The following NDUFA13 variants were observed in gnomAD, a reference collection of about 807,000 sequenced individuals.
The protein encoded by NDUFA13 is NADH dehydrogenase [ubiquinone] 1 alpha subcomplex subunit 13.
Under a neutral mutation model 17.0 loss-of-function variants are expected in NDUFA13, and 16 were observed. The ratio of observed to expected loss-of-function variants is 0.94; its 90% CI spans 0.64 to 1.43. The LOEUF is 1.43. NDUFA13 is among the 40% of genes most tolerant of loss of function. The pLI, the probability that NDUFA13 is intolerant of heterozygous loss-of-function variation, is 0.00. For synonymous variants in NDUFA13, 87 were observed against 78.4 expected (o/e 1.11, Z -0.58); for missense variants, 228 against 206.7 (o/e 1.10, Z -0.63).
intron 3 of NDUFA13, 110 bp downstream of exon 3, chr19:19,527,462 C>A: frequency 7.5e-7 from 1 of 1,341,400 alleles, no homozygotes; most frequent in Non-Finnish European, 1.1e-6. Flanking sequence ...GGCCATCGCC[C>A]TGTGCCGTCA....
At chr19:19,520,406 G>C (rs2034326268) in intron 1 of NDUFA13, among the ~76,000 whole-genome samples, 1 of 152,190 alleles carries the variant, frequency 6.6e-6, no homozygotes, top group Non-Finnish European at 1.5e-5. Flanking sequence ...AAAGCGGATG[G>C]ATCACCTGAG....
chr19:19,516,296 G>C lies in NDUFA13; in HGVS notation c.58G>C (p.Asp20His). ...TCCGCCGGGGGGCTATGGGCCCATC[G>C]ACTACAAACGGAACTTGCCGCGTCG... ...MPPPGGYGPI[D>H]YKRNLPRRGL... The change falls in exon 1 of 5, where the codon GAC (aspartate) becomes CAC (histidine). Residue 20 changes from aspartate (D) to histidine (H), a missense_variant. By Grantham distance (81) the Asp-to-His change is moderately conservative. Coordinates refer to ENST00000507754, the MANE Select transcript of NDUFA13 (RefSeq NM_015965.7). 2 of 1,613,826 alleles carry C rather than the reference G, an allele frequency of 1.2e-6. No individual in the cohort carries two copies. The highest frequency in any genetic ancestry group is 1.7e-6 in the Non-Finnish European group (2 of 1,180,032).
At chr19:19,527,186 T>TAC in intron 2 of NDUFA13, 95 bp from the exon 3 acceptor site, 2 of 1,284,030 alleles carry the variant, frequency 1.6e-6, no homozygotes, top group East Asian at 2.5e-5. Context: ...CTCCGCCTCT[T>TAC]CCCCCAGCAG....
Position 19,518,792 on chromosome 19 carries a change from G to C in NDUFA13, c.94+2460G>C, listed in dbSNP as rs568609154. 3.2e-5 allele frequency among the ~76,000 whole-genome samples: 4 copies of C among 126,426 alleles called. No homozygotes were observed. In the East Asian group the frequency reaches 9.6e-4, roughly 30 times the overall value. The allele number at this position is 126,426 out of a possible 152,430, so 82.9% of individuals were successfully genotyped here. On this transcript the variant is annotated intron_variant, in intron 1 of 4. Coordinates refer to ENST00000507754, the MANE Select transcript of NDUFA13 (RefSeq NM_015965.7). ...GTTTTCACTTTTATTGCCCAGGCTA[G>C]AGTGCAATGGTGCAATCTTGGCTCA... is the stretch of plus-strand genomic sequence containing the variant.
intron 1 of NDUFA13, among the ~76,000 whole-genome samples, chr19:19,525,235 C>T (rs2061094828): frequency 6.6e-6 from 1 of 152,262 alleles, no homozygotes; most frequent in Non-Finnish European, 1.5e-5. Context: ...GGGCTTCTAA[C>T]AGGTTAAATA....
intron 2 of NDUFA13, 68 bp from the exon 3 acceptor site, chr19:19,527,213 G>T (rs1434212783): frequency 6.4e-6 from 10 of 1,564,366 alleles, no homozygotes; most frequent in Non-Finnish European, 7.9e-6. Context: ...GGCCCCTGAG[G>T]TCTGTGCTGC....
chr19:19,522,248 T>G (rs984019144), intron 1 of NDUFA13, among the ~76,000 whole-genome samples: 1 of 151,632 alleles, frequency 6.6e-6, no homozygotes, highest in Non-Finnish European at 1.5e-5. Context: ...GAGCTTGCAG[T>G]GAGCCGAGAT....
At chr19:19,516,783 A>C (rs193239596) in intron 1 of NDUFA13, among the ~76,000 whole-genome samples, 34 of 152,258 alleles carry the variant, frequency 2.2e-4, no homozygotes, top group African/African-American at 8.2e-4. Context: ...CATATTCTTT[A>C]AATTTTCAAT....
chr19:19,523,586 G>A (rs1045735135), intron 1 of NDUFA13, among the ~76,000 whole-genome samples: 3 of 151,764 alleles, frequency 2.0e-5, no homozygotes, highest in African/African-American at 7.3e-5. Context: ...AGCCACCCAA[G>A]TAGGTGGGAC....
rs1037674135 is a variant in NDUFA13, at chr19:19,527,348, C to T, written c.241C>T (p.Arg81Trp). 17 of 1,613,670 alleles carry T rather than the reference C, an allele frequency of 1.1e-5. No individual in the cohort carries two copies. Among genetic ancestry groups the T allele is most frequent in the Non-Finnish European group, 1.2e-5 (14 of 1,180,016 alleles). ...LLPLLQAETD[R>W]RTLQMLRENL... is the part of the protein sequence containing the mutation. ...GCCACTGTTACAGGCAGAAACCGACCGGAGGTAGCACCGCAGGGGCCAAGG... is the reference window on the plus strand; with the variant it reads ...GCCACTGTTACAGGCAGAAACCGACTGGAGGTAGCACCGCAGGGGCCAAGG... Residue 81 changes from arginine (R) to tryptophan (W), a missense_variant, in exon 3 of 5, where the codon CGG (arginine) becomes TGG (tryptophan). By Grantham distance (101) the Arg-to-Trp change is moderately radical. Transcript: ENST00000507754.
At chr19:19,522,572 G>A (rs998663133) in intron 1 of NDUFA13, among the ~76,000 whole-genome samples, 1 of 137,332 alleles carries the variant, frequency 7.3e-6, no homozygotes, top group Non-Finnish European at 1.5e-5. Context: ...TCCGCCTCCC[G>A]GGTTCACGCC....
At chr19:19,519,169 G>T (rs1044927162) in intron 1 of NDUFA13, among the ~76,000 whole-genome samples, 11 of 151,682 alleles carry the variant, frequency 7.3e-5, no homozygotes, top group Non-Finnish European at 1.5e-4. Context: ...GGTATTACAG[G>T]CATGAGCCAC....
At chr19:19,521,607 CGTTT>C (rs1225509528) in intron 1 of NDUFA13, among the ~76,000 whole-genome samples, 4 of 132,862 alleles carry the variant, frequency 3.0e-5, no homozygotes, top group Non-Finnish European at 7.0e-5. Flanking sequence ...TTTGTTTGTT[CGTTT>C]GTTTGTTTTG....
In NDUFA13 at chr19:19,524,928, T is replaced by A. The variant is rs1291035540; in HGVS notation, c.95-1254T>A. ...GGCACACACCTGGGGTCCCAGTTAC[T>A]CGGGAGGCTAAAGTGGAAGGATCAC... On this transcript the variant is annotated intron_variant, in intron 1 of 4. Transcript: ENST00000507754. Among the ~76,000 whole-genome samples the A allele has an allele frequency of 2.6e-5, 4 of 152,082 alleles. No individual in the cohort carries two copies. In the East Asian group the frequency reaches 7.7e-4, roughly 29 times the overall value.
At position 19,516,320 on chromosome 19, in the gene NDUFA13, C is replaced by T. The variant is rs757250703; in HGVS notation, c.82C>T (p.Arg28Ter). ...PIDYKRNLPR[R>*]GLSGYSMLAI... The stretch of plus-strand genomic sequence containing the variant: ...CGACTACAAACGGAACTTGCCGCGT[C>T]GAGGACTGTCGGGTCAGTATCACTC... The change falls in exon 1 of 5, where the codon CGA becomes TGA. Residue 28 changes from arginine to a stop codon, truncating the protein, a stop_gained. Coordinates refer to ENST00000507754, the MANE Select transcript of NDUFA13 (RefSeq NM_015965.7). LOFTEE classifies it high-confidence loss of function. 1 of 1,613,492 alleles carries T rather than the reference C, an allele frequency of 6.2e-7. No homozygotes were observed. Among genetic ancestry groups the T allele is most frequent in the Non-Finnish European group, 8.5e-7 (1 of 1,180,018 alleles).
chr19:19,526,108 T>C (rs773617154), intron 1 of NDUFA13, 74 bp from the exon 2 acceptor site: 1 of 1,582,040 alleles, frequency 6.3e-7, no homozygotes, highest in South Asian at 1.1e-5. Flanking sequence ...GATTGCAGAG[T>C]GGGCAGCGCC....
At chr19:19,525,924 C>G in intron 1 of NDUFA13, 2 of 1,031,276 alleles carry the variant, frequency 1.9e-6, no homozygotes, top group Non-Finnish European at 2.7e-6. Flanking sequence ...CGCCCAGGGT[C>G]CAAACAGCCT....
chr19:19,524,162 C>T (rs2061090545), intron 1 of NDUFA13, among the ~76,000 whole-genome samples: 1 of 152,176 alleles, frequency 6.6e-6, no homozygotes, highest in Non-Finnish European at 1.5e-5. Flanking sequence ...TGTGCGTGCC[C>T]CTCACCATGT....
rs78280841 is a variant in NDUFA13, at chr19:19,524,336, C to T, written c.95-1846C>T. Among the ~76,000 whole-genome samples the T allele has an allele frequency of 2.7e-4, 41 of 152,358 alleles. No homozygotes were observed. The East Asian group carries it at 6.6e-3, about 24-fold the overall frequency. Reference sequence around the variant, plus strand: ...ACATCTCTGTTCTATGCCAGTGCCACGCTGTCTTGTACACACAGCTGTGGG... The same window carrying T: ...ACATCTCTGTTCTATGCCAGTGCCATGCTGTCTTGTACACACAGCTGTGGG... On this transcript the variant is annotated intron_variant, in intron 1 of 4. Coordinates refer to ENST00000507754, the MANE Select transcript of NDUFA13 (RefSeq NM_015965.7).
Sources: gnomAD v4.1 joint callset for allele counts (sites outside exome capture counted in the v4.1 genomes callset) on GRCh38, gnomAD v4.1.1 for gene constraint, MANE v1.5 for transcripts, NCBI Gene and HGNC (gene_info 2026-07-23, HGNC 2026-07-21) for gene names.